The following AFG1L variants were observed in gnomAD, a reference collection of about 807,000 sequenced individuals.
AFG1L encodes AFG1-like ATPase.
Under a neutral mutation model 62.2 loss-of-function variants are expected in AFG1L, and 53 were observed. The observed-to-expected ratio is 0.85, with a 90% CI of 0.68 to 1.07. The LOEUF is 1.07. AFG1L is among the 50% of genes least tolerant of loss of function. The probability of loss-of-function intolerance (pLI) is 0.00; values close to 1 mark genes in which losing one functional copy is unlikely to be tolerated. For missense variants in AFG1L, 555 were observed against 590.5 expected (o/e 0.94, Z 0.62); for synonymous variants, 228 against 210.3 (o/e 1.08, Z -0.73).
intron 2 of AFG1L, among the ~76,000 whole-genome samples, chr6:108,340,510 G>A (rs1260120724): frequency 1.3e-5 from 2 of 151,960 alleles, no homozygotes; most frequent in East Asian, 1.9e-4. Flanking sequence ...GATTACAGGC[G>A]TGTGCCACCA....
Position 108,429,787 on chromosome 6 carries a change from A to AT in AFG1L, c.808-17418dup, listed in dbSNP as rs929070986. ...TTTCTTGATTCCATATGAATTTAGGATTTTTTTTTCTAATTCTGTGGAAAA... is the reference window on the plus strand; with the variant it reads ...TTTCTTGATTCCATATGAATTTAGGATTTTTTTTTTCTAATTCTGTGGAAAA... On this transcript the variant is annotated intron_variant, in intron 7 of 12. Coordinates refer to ENST00000368977, the MANE Select transcript of AFG1L (RefSeq NM_145315.5). 1.3e-4 allele frequency among the ~76,000 whole-genome samples: 20 copies of AT among 150,820 alleles called. No homozygotes were observed. The South Asian group carries it at 1.9e-3, about 14-fold the overall frequency.
intron 8 of AFG1L, among the ~76,000 whole-genome samples, chr6:108,471,803 T>C (rs1276109309): frequency 6.6e-6 from 1 of 152,198 alleles, no homozygotes; most frequent in East Asian, 1.9e-4. Flanking sequence ...AATATAATTA[T>C]GGGACCATGT....
chr6:108,320,587 G>GACAA (rs1777779585), intron 1 of AFG1L, among the ~76,000 whole-genome samples: 1 of 152,078 alleles, frequency 6.6e-6, no homozygotes, highest in Non-Finnish European at 1.5e-5. Flanking sequence ...TTTCTATAGG[G>GACAA]AACATCTCTA....
At position 108,388,700 on chromosome 6, in the gene AFG1L, T is replaced by C. The variant is rs1268394297; in HGVS notation, c.749-13296T>C. On this transcript the variant is annotated intron_variant, in intron 6 of 12. Coordinates refer to ENST00000368977, the MANE Select transcript of AFG1L (RefSeq NM_145315.5). ...AGTTGAGCGGTTTTGAGTGAGTTTCTTAATCCTGAGTTCTAGTTTGATTGC... is the reference window on the plus strand; with the variant it reads ...AGTTGAGCGGTTTTGAGTGAGTTTCCTAATCCTGAGTTCTAGTTTGATTGC... Among the ~76,000 whole-genome samples the C allele has an allele frequency of 2.1e-3, 314 of 150,778 alleles. 2 individuals are homozygous for C. The highest frequency in any genetic ancestry group is 3.6e-3 in the Non-Finnish European group (240 of 66,990).
chr6:108,339,130 CTTTG>C (rs1778581296), intron 2 of AFG1L, among the ~76,000 whole-genome samples: 1 of 150,762 alleles, frequency 6.6e-6, no homozygotes, highest in African/African-American at 2.4e-5. Context: ...TATAAAAGCT[CTTTG>C]TTTATTAAGA....
At chr6:108,522,215 A>G (rs1385247334) in intron 12 of AFG1L, 82 bp from the exon 13 acceptor site, 2 of 1,378,766 alleles carry the variant, frequency 1.5e-6, no homozygotes, top group Non-Finnish European at 2.0e-6. Flanking sequence ...GTAAGCCTAA[A>G]AAGTTTTTTT....
intron 6 of AFG1L, among the ~76,000 whole-genome samples, chr6:108,378,859 A>G (rs1780367898): frequency 6.7e-6 from 1 of 149,794 alleles, no homozygotes; most frequent in African/African-American, 2.5e-5. Flanking sequence ...TGTTATTATT[A>G]TTATTATTAT....
At chr6:108,368,176 TTTTA>T (rs1222432100) in intron 6 of AFG1L, among the ~76,000 whole-genome samples, 12 of 152,086 alleles carry the variant, frequency 7.9e-5, no homozygotes, top group East Asian at 1.9e-4. Flanking sequence ...TGTTTTTTGT[TTTTA>T]TTTATTTATT....
intron 6 of AFG1L, among the ~76,000 whole-genome samples, chr6:108,375,490 G>C (rs1265497923): frequency 6.6e-6 from 1 of 151,902 alleles, no homozygotes; most frequent in African/African-American, 2.4e-5. Flanking sequence ...TATTTTTTAG[G>C]TGTGTTCCTG....
At chr6:108,297,294 G>T (rs887306591) in intron 1 of AFG1L, among the ~76,000 whole-genome samples, 2 of 151,998 alleles carry the variant, frequency 1.3e-5, no homozygotes, top group African/African-American at 4.8e-5. Flanking sequence ...TTTTAGTAGA[G>T]ATGGGGTTTC....
intron 3 of AFG1L, among the ~76,000 whole-genome samples, chr6:108,349,816 A>T (rs1401981409): frequency 6.6e-6 from 1 of 150,904 alleles, no homozygotes; most frequent in African/African-American, 2.4e-5. Flanking sequence ...ACTCAGTAGG[A>T]TGAGGTGGGA....
intron 3 of AFG1L, among the ~76,000 whole-genome samples, chr6:108,351,509 C>G (rs1779078402): frequency 6.6e-6 from 1 of 152,110 alleles, no homozygotes; most frequent in South Asian, 2.1e-4. Context: ...ATTAGGTCAT[C>G]TGCCAATAAA....
intron 10 of AFG1L, among the ~76,000 whole-genome samples, chr6:108,495,931 A>C (rs1314502085): frequency 6.6e-6 from 1 of 152,240 alleles, no homozygotes; most frequent in Non-Finnish European, 1.5e-5. Flanking sequence ...AAGATGGAGA[A>C]TGTCATCATT....
At chr6:108,419,679 C>T (rs1009797148) in intron 7 of AFG1L, among the ~76,000 whole-genome samples, 4 of 151,766 alleles carry the variant, frequency 2.6e-5, no homozygotes, top group African/African-American at 7.3e-5. Context: ...CAGGTAATGA[C>T]ATCATATCTT....
At chr6:108,370,319 T>G (rs143944310) in intron 6 of AFG1L, among the ~76,000 whole-genome samples, 1 of 152,262 alleles carries the variant, frequency 6.6e-6, no homozygotes, top group Non-Finnish European at 1.5e-5. Flanking sequence ...ATATGATGCA[T>G]GCAGGGAGAC....
chr6:108,351,159 T>G (rs1271321692), intron 3 of AFG1L, among the ~76,000 whole-genome samples: 4 of 152,198 alleles, frequency 2.6e-5, no homozygotes, highest in Non-Finnish European at 5.9e-5. Flanking sequence ...GGTGAGTGGA[T>G]GTGAAGGCTG....
intron 1 of AFG1L, among the ~76,000 whole-genome samples, chr6:108,315,348 G>T (rs1182033888): frequency 6.6e-6 from 1 of 152,114 alleles, no homozygotes; most frequent in Admixed American, 6.5e-5. Flanking sequence ...TCTCATGGGT[G>T]ACTCCTTTTG....
intron 1 of AFG1L, among the ~76,000 whole-genome samples, chr6:108,303,790 G>T (rs887702491): frequency 6.6e-6 from 1 of 152,110 alleles, no homozygotes; most frequent in Non-Finnish European, 1.5e-5. Context: ...ATATATGTGT[G>T]TGTATAAAAT....
At chr6:108,396,180 A>G (rs975943210) in intron 6 of AFG1L, among the ~76,000 whole-genome samples, 2 of 151,868 alleles carry the variant, frequency 1.3e-5, no homozygotes, top group African/African-American at 2.4e-5. Flanking sequence ...TGCACAACCT[A>G]TAGAATGACT....
Sources: allele counts gnomAD v4.1 joint callset (sites outside exome capture counted in the v4.1 genomes callset), GRCh38; gene constraint gnomAD v4.1.1; transcripts MANE v1.5; gene names NCBI Gene and HGNC (gene_info 2026-07-23, HGNC 2026-07-21).